The following ACOXL variants were observed in gnomAD, a reference collection of about 807,000 sequenced individuals.
ACOXL encodes the protein acyl-CoA oxidase like, also known as acyl-coenzyme A oxidase-like protein.
Under a neutral mutation model 71.9 loss-of-function variants are expected in ACOXL, and 70 were observed. That is an observed-to-expected ratio of 0.97 (90% CI 0.80 to 1.19). The LOEUF is 1.19. Among genes scored for constraint, ACOXL ranks in the 50% most tolerant of loss-of-function variants. The probability of loss-of-function intolerance (pLI) is 0.00; values close to 1 mark genes in which losing one functional copy is unlikely to be tolerated. For synonymous variants in ACOXL, 253 were observed against 281.6 expected, an observed-to-expected ratio of 0.90 and a Z score of 1.02; for missense variants, 703 against 736.3, an observed-to-expected ratio of 0.95 and a Z score of 0.52.
chr2:111,033,692 A>G (rs973365511), intron 15 of ACOXL, among the ~76,000 whole-genome samples: 10 of 152,314 alleles, frequency 6.6e-5, no homozygotes, highest in African/African-American at 2.2e-4. Context: ...GGGTTGAAAC[A>G]TATCTGGGGT....
intron 17 of ACOXL, chr2:111,098,486 G>A (rs941873454): frequency 3.9e-5 from 6 of 152,036 alleles, no homozygotes; most frequent in Non-Finnish European, 7.4e-5. Flanking sequence ...CATGGAAGAC[G>A]AGAAAAGACT....
chr2:111,083,679 G>C (rs934650200), intron 16 of ACOXL, among the ~76,000 whole-genome samples: 2 of 151,886 alleles, frequency 1.3e-5, no homozygotes, highest in African/African-American at 2.4e-5. Context: ...ATGCACCATG[G>C]CCCAAAGGTC....
chr2:110,969,082 A>G (rs2062064004), intron 12 of ACOXL, among the ~76,000 whole-genome samples: 1 of 152,236 alleles, frequency 6.6e-6, no homozygotes, highest in Non-Finnish European at 1.5e-5. Flanking sequence ...CATAGGTTAT[A>G]TAGGAAATTT....
chr2:110,946,562 T>C (rs7420999), intron 12 of ACOXL, among the ~76,000 whole-genome samples: 72,503 of 152,074 alleles, frequency 0.48, 18,310 homozygotes, highest in East Asian at 0.6. Flanking sequence ...CCAAACCATT[T>C]TGCCATATGA....
chr2:111,084,025 G>GA (rs34103286), intron 16 of ACOXL, among the ~76,000 whole-genome samples: 4,522 of 150,906 alleles, frequency 0.03, 134 homozygotes, highest in South Asian at 0.15. Context: ...AATACTTCCA[G>GA]AAAAAAAAAT....
At chr2:110,771,705 A>G (rs1681960167) in intron 2 of ACOXL, among the ~76,000 whole-genome samples, 1 of 152,374 alleles carries the variant, frequency 6.6e-6, no homozygotes, top group Admixed American at 6.5e-5. Flanking sequence ...CACAGTGTGA[A>G]CACCATCATT....
At chr2:111,108,467 C>A (rs556982313) in intron 17 of ACOXL, among the ~76,000 whole-genome samples, 11 of 148,550 alleles carry the variant, frequency 7.4e-5, no homozygotes, top group African/African-American at 1.5e-4. Context: ...CAACCTCTGC[C>A]TCCCAGGTTC....
intron 9 of ACOXL, among the ~76,000 whole-genome samples, chr2:110,839,904 T>A (rs1690923868): frequency 6.6e-6 from 1 of 152,136 alleles, no homozygotes; most frequent in African/African-American, 2.4e-5. Flanking sequence ...TAAGTGATGT[T>A]TGGGGATCTT....
chr2:111,043,334 T>C (rs2065871814), intron 15 of ACOXL, among the ~76,000 whole-genome samples: 1 of 152,224 alleles, frequency 6.6e-6, no homozygotes, highest in African/African-American at 2.4e-5. Flanking sequence ...TCCGTGTTGA[T>C]TCTGAAAACA....
intron 9 of ACOXL, among the ~76,000 whole-genome samples, chr2:110,830,545 T>C (rs1181589832): frequency 6.6e-6 from 1 of 152,104 alleles, no homozygotes; most frequent in Non-Finnish European, 1.5e-5. Context: ...ATAATTTTTT[T>C]TTTTTTGAGA....
intron 9 of ACOXL, among the ~76,000 whole-genome samples, chr2:110,838,938 C>T (rs749445603): frequency 3.3e-5 from 5 of 152,212 alleles, no homozygotes; most frequent in Non-Finnish European, 7.3e-5. Context: ...TTGAGCCCTC[C>T]CTGTCCACTG....
chr2:110,828,179 C>T (rs1689389651), intron 9 of ACOXL, among the ~76,000 whole-genome samples: 1 of 152,126 alleles, frequency 6.6e-6, no homozygotes, highest in Admixed American at 6.5e-5. Flanking sequence ...ACTATGTTGC[C>T]CACGCTGGTC....
At chr2:110,990,885 C>T (rs2063143563) in intron 13 of ACOXL, among the ~76,000 whole-genome samples, 1 of 151,998 alleles carries the variant, frequency 6.6e-6, no homozygotes, top group Non-Finnish European at 1.5e-5. Context: ...TTTATATTTT[C>T]TTGGATTTGG....
At chr2:110,907,269 C>G (rs115821162) in intron 10 of ACOXL, among the ~76,000 whole-genome samples, 17 of 152,196 alleles carry the variant, frequency 1.1e-4, no homozygotes, top group African/African-American at 4.1e-4. Context: ...TATAAGGCCA[C>G]CAATTCTATC....
rs1044911154 is a variant in ACOXL at position 110,988,438 on chromosome 2, T to TA, written c.1169+1232dup. Among the ~76,000 whole-genome samples, 8 of 146,446 alleles carry TA rather than the reference T, an allele frequency of 5.5e-5. No individual in the cohort carries two copies. In the South Asian group the frequency reaches 8.7e-4, roughly 16 times the overall value. On this transcript the variant is annotated intron_variant, in intron 13 of 17. Transcript: ENST00000439055. ...CTGGGCAACAGAGTGAGACCTTGCC[T>TA]AAAAAAAAAAATACTGACCCCAACC...
In ACOXL at chr2:111,056,788, CAAA is replaced by C. The variant is rs34865595; in HGVS notation, c.1440+7518_1440+7520del. ...GGGTGACAGAGCAAGACTCTGTCTC[CAAA>C]AAAAAAAAAAAAAAAAATTTCATGG... On this transcript the variant is annotated intron_variant, in intron 16 of 17. Coordinates refer to ENST00000439055, the MANE Select transcript of ACOXL (RefSeq NM_001142807.4). 3.3e-4 allele frequency among the ~76,000 whole-genome samples: 34 copies of C among 102,306 alleles called. 1 individual carries two copies. Among genetic ancestry groups the C allele is most frequent in the Admixed American group, 2.8e-3 (26 of 9,268 alleles). 67.1% of individuals were successfully genotyped at this position (102,306 alleles called of 152,430 possible). A position where few individuals can be genotyped will look rare whatever the true frequency, so the allele number is the denominator to read the frequency against.
At position 110,994,704 on chromosome 2, in the gene ACOXL, T is replaced by G. The variant is rs138290049; in HGVS notation, c.1170-1189T>G. The stretch of plus-strand genomic sequence containing the variant: ...GTTGTTTTGAGTCTGTGCTTACCTC[T>G]CTTAACTCCTCTGTGCCTCAGTTTC... On this transcript the variant is annotated intron_variant, in intron 13 of 17. Coordinates refer to ENST00000439055, the MANE Select transcript of ACOXL (RefSeq NM_001142807.4). 4.6e-4 allele frequency among the ~76,000 whole-genome samples: 70 copies of G among 152,306 alleles called. No individual in the cohort carries two copies. The East Asian group carries it at 0.013, about 27-fold the overall frequency.
chr2:110,977,350 C>T (rs1396291135), intron 12 of ACOXL, among the ~76,000 whole-genome samples: 1 of 151,806 alleles, frequency 6.6e-6, no homozygotes, highest in Non-Finnish European at 1.5e-5. Flanking sequence ...CGCCACTGCA[C>T]CCCAGCCTGG....
chr2:110,980,065 A>G (rs2062634554), intron 12 of ACOXL, among the ~76,000 whole-genome samples: 1 of 152,214 alleles, frequency 6.6e-6, no homozygotes, highest in Admixed American at 6.5e-5. Context: ...CGCTTAGGCC[A>G]GGGCGGCCTC....
Sources: allele counts gnomAD v4.1 joint callset (sites outside exome capture counted in the v4.1 genomes callset), GRCh38; gene constraint gnomAD v4.1.1; transcripts MANE v1.5; gene names NCBI Gene and HGNC (gene_info 2026-07-23, HGNC 2026-07-21).